MPHOSPH9: variants seen among roughly 807,000 people sequenced by gnomAD.
MPHOSPH9 encodes M-phase phosphoprotein 9.
In MPHOSPH9, 88 loss-of-function variants were observed where a neutral mutation model predicts 145.5. The ratio of observed to expected loss-of-function variants is 0.60; its 90% CI spans 0.51 to 0.72. MPHOSPH9 has a LOEUF of 0.72. Among genes scored for constraint, MPHOSPH9 ranks in the 30% least tolerant of loss-of-function variants. The probability of loss-of-function intolerance (pLI) is 0.00; values close to 1 mark genes in which losing one functional copy is unlikely to be tolerated. For missense variants in MPHOSPH9, 1,238 were observed against 1,386.6 expected (o/e 0.89, Z 1.70); for synonymous variants, 435 against 486.2 (o/e 0.89, Z 1.39).
At chr12:123,164,192 C>T in intron 18 of MPHOSPH9, 102 bp from the exon 19 acceptor site, 2 of 1,330,090 alleles carry the variant, frequency 1.5e-6, no homozygotes, top group Non-Finnish European at 2.1e-6. Context: ...GGTTACACAC[C>T]AAGCCCCACA....
chr12:123,179,659 T>C (rs2045034847), intron 15 of MPHOSPH9, among the ~76,000 whole-genome samples: 2 of 150,326 alleles, frequency 1.3e-5, no homozygotes, highest in Non-Finnish European at 2.9e-5. Context: ...GCAGGAAGAC[T>C]GCTTGAGCCC....
chr12:123,198,411 C>T (rs751918644), intron 11 of MPHOSPH9, 77 bp from the exon 12 acceptor site: 15 of 1,151,704 alleles, frequency 1.3e-5, no homozygotes, highest in Non-Finnish European at 1.8e-5. Context: ...CTAACCAATT[C>T]TCTAATATAT....
chr12:123,185,341 A>T (rs561758189), intron 13 of MPHOSPH9, among the ~76,000 whole-genome samples: 2 of 152,176 alleles, frequency 1.3e-5, no homozygotes, highest in East Asian at 1.9e-4. Context: ...AAAAAAAAAA[A>T]ATATTGTTAC....
chr12:123,165,580 G>GT (rs1331378298), intron 17 of MPHOSPH9, 103 bp from the exon 18 acceptor site: 7 of 1,056,282 alleles, frequency 6.6e-6, no homozygotes, highest in Non-Finnish European at 8.3e-6. Flanking sequence ...AATCTTCAAT[G>GT]TGATGGTGTG....
intron 5 of MPHOSPH9, among the ~76,000 whole-genome samples, chr12:123,220,998 T>C (rs1355194346): frequency 6.6e-6 from 1 of 152,122 alleles, no homozygotes. Context: ...GAGCTTGCAG[T>C]GAGCCGAGAT....
chr12:123,179,857 T>C lies in MPHOSPH9; in HGVS notation c.2354+69A>G, dbSNP rs539648022. 2.7e-5 allele frequency: 22 copies of C among 809,538 alleles called. No individual in the cohort carries two copies. The East Asian group carries it at 6.8e-4, about 25-fold the overall frequency. The allele number at this position is 809,538 out of a possible 1,614,324, so 50.1% of individuals were successfully genotyped here. A position where few individuals can be genotyped will look rare whatever the true frequency, so the allele number is the denominator to read the frequency against. ...ATCCTCAAGAAAAACTTCCTTCTCA[T>C]CATGTTCAATACAGACACATAAAAG... On this transcript the variant is annotated intron_variant, in intron 15 of 23. Transcript: ENST00000606320.
At chr12:123,162,593 T>C (rs1018233288) in intron 20 of MPHOSPH9, 1 of 183,756 alleles carries the variant, frequency 5.4e-6, no homozygotes, top group Non-Finnish European at 1.1e-5. Flanking sequence ...CCCTCCCCGC[T>C]AATAGCACAC....
In MPHOSPH9 at chr12:123,221,580, T is replaced by C. The variant is rs769319504; in HGVS notation, c.664A>G (p.Ile222Val). ...SKDPKEFMEH[I>V]DVPKGQYVAP... is the part of the protein sequence containing the mutation. ...ACATACTGTCCTTTGGGAACATCTATGTGCTCCATGAACTCCTTAGGGTCT... is the reference window on the plus strand; with the variant it reads ...ACATACTGTCCTTTGGGAACATCTACGTGCTCCATGAACTCCTTAGGGTCT... The change falls in exon 5 of 24, where the codon ATA becomes GTA. Residue 222 changes from isoleucine (I) to valine (V), a missense_variant. By Grantham distance (29) the Ile-to-Val change is conservative (BLOSUM62 3). Around this residue, in one of 3 missense-constraint regions of MPHOSPH9, gnomAD observed 837 missense variants for 897.5 expected, o/e 0.93. Transcript: ENST00000606320. 13 of 1,614,048 alleles carry C rather than the reference T, an allele frequency of 8.1e-6. No individual in the cohort carries two copies. Among genetic ancestry groups the C allele is most frequent in the Admixed American group, 6.7e-5 (4 of 59,992 alleles).
intron 11 of MPHOSPH9, among the ~76,000 whole-genome samples, chr12:123,199,828 T>C (rs1245434913): frequency 1.3e-5 from 2 of 151,648 alleles, no homozygotes; most frequent in African/African-American, 2.4e-5. Context: ...AAGATTATCA[T>C]TGATCCCATT....
chr12:123,208,533 C>CAA (rs373218740), intron 8 of MPHOSPH9, among the ~76,000 whole-genome samples: 70,519 of 110,708 alleles, frequency 0.64, 23,693 homozygotes, highest in Non-Finnish European at 0.75. Flanking sequence ...GAAACTGTCT[C>CAA]AAAAAAAAAA....
chr12:123,174,995 C>T (rs1790123), intron 16 of MPHOSPH9, among the ~76,000 whole-genome samples: 121,640 of 152,070 alleles, frequency 0.8, 48,885 homozygotes, highest in East Asian at 1. Context: ...GCTAACACCA[C>T]CTCTCTCCTA....
chr12:123,215,517 A>G (rs958951190), intron 6 of MPHOSPH9, among the ~76,000 whole-genome samples: 3 of 152,190 alleles, frequency 2.0e-5, no homozygotes, highest in Non-Finnish European at 4.4e-5. Flanking sequence ...CTAACAATTC[A>G]TTTTTATCAT....
intron 1 of MPHOSPH9, chr12:123,240,432 G>A (rs561413089): frequency 6.6e-6 from 1 of 152,240 alleles, no homozygotes; most frequent in African/African-American, 2.4e-5. Flanking sequence ...ACTCCCAGGT[G>A]ATTTGTATGC....
chr12:123,188,098 C>G lies in MPHOSPH9; in HGVS notation c.2241+6288G>C, dbSNP rs143541136. Among the ~76,000 whole-genome samples, 40 of 152,222 alleles carry G rather than the reference C, an allele frequency of 2.6e-4. No homozygotes were observed. In the East Asian group the frequency reaches 6.2e-3, roughly 24 times the overall value. The stretch of plus-strand genomic sequence containing the variant: ...CCAAGATTGCGCCATTGCACTCCAG[C>G]CTGTACAACAAGAGCAAGACTCCAT... On this transcript the variant is annotated intron_variant, in intron 13 of 23. Coordinates refer to ENST00000606320, the MANE Select transcript of MPHOSPH9 (RefSeq NM_022782.4).
upstream of MPHOSPH9, among the ~76,000 whole-genome samples, chr12:123,235,830 G>A (rs957428857): frequency 2.0e-5 from 3 of 151,896 alleles, no homozygotes; most frequent in African/African-American, 4.8e-5. Flanking sequence ...TCGGGAGGCC[G>A]AGGCAAGCGG....
rs1187025243 is a variant in MPHOSPH9 at position 123,166,688 on chromosome 12, AC to A, written c.2557del (p.Val853TrpfsTer11). The A allele has an allele frequency of 6.2e-7, 1 of 1,613,860 alleles. No individual in the cohort carries two copies. Among genetic ancestry groups the A allele is most frequent in the Non-Finnish European group, 8.5e-7 (1 of 1,179,950 alleles). On this transcript the variant is annotated frameshift_variant, in exon 17 of 24. Transcript: ENST00000606320. LOFTEE classifies it high-confidence loss of function. ...GQPLDTQDSN[V>X]DNQLEETCSL... is the part of the protein sequence containing the mutation. ...ACAGGTTTCCTCCAGCTGGTTATCC[AC>A]GTTACTGTCCTGGGTGTCCAGAGGC... is the stretch of plus-strand genomic sequence containing the variant.
intron 16 of MPHOSPH9, among the ~76,000 whole-genome samples, chr12:123,174,788 A>G (rs1462600981): frequency 6.6e-6 from 1 of 152,234 alleles, no homozygotes; most frequent in African/African-American, 2.4e-5. Flanking sequence ...AAAATATTCA[A>G]GATGGAAATT....
At chr12:123,197,006 G>A (rs577909850) in intron 12 of MPHOSPH9, among the ~76,000 whole-genome samples, 1 of 148,886 alleles carries the variant, frequency 6.7e-6, no homozygotes, top group Non-Finnish European at 1.5e-5. Flanking sequence ...GACAGAATGT[G>A]GGGGGTGACG....
intron 8 of MPHOSPH9, among the ~76,000 whole-genome samples, chr12:123,206,649 C>T (rs2046449561): frequency 6.6e-6 from 1 of 152,024 alleles, no homozygotes; most frequent in Non-Finnish European, 1.5e-5. Flanking sequence ...CACAGTGGCT[C>T]ACACCTGTAA....
Sources: gnomAD v4.1 joint callset for allele counts (sites outside exome capture counted in the v4.1 genomes callset) on GRCh38, gnomAD v4.1.1 for gene constraint, gnomAD v4.1.1 regional missense constraint, MANE v1.5 for transcripts, NCBI Gene and HGNC (gene_info 2026-07-23, HGNC 2026-07-21) for gene names.